Variants in KIF13A observed in about 807,000 individuals in gnomAD.
The protein encoded by KIF13A is kinesin family member 13A.
Under a neutral mutation model 212.2 loss-of-function variants are expected in KIF13A, and 79 were observed. The ratio of observed to expected loss-of-function variants is 0.37; its 90% CI spans 0.31 to 0.45. The LOEUF (loss-of-function observed/expected upper bound fraction) is 0.45, where lower values mean the gene tolerates loss of function less well. Among genes scored for constraint, KIF13A ranks in the 20% least tolerant of loss-of-function variants. KIF13A has a pLI of 1.00. For missense variants in KIF13A, 1,901 were observed against 2,209.0 expected, an observed-to-expected ratio of 0.86 and a Z score of 2.79; for synonymous variants, 789 against 808.6, an observed-to-expected ratio of 0.98 and a Z score of 0.41.
rs1771787380 is a variant in KIF13A at position 17,888,863 on chromosome 6, T to C, written c.159+9305A>G. Among the ~76,000 whole-genome samples the C allele has an allele frequency of 6.6e-6, 1 of 152,000 alleles. No individual in the cohort carries two copies. The highest frequency in any genetic ancestry group is 1.5e-5 in the Non-Finnish European group (1 of 67,986). On this transcript the variant is annotated intron_variant, in intron 3 of 38. Coordinates refer to ENST00000259711, the MANE Select transcript of KIF13A (RefSeq NM_022113.6). The surrounding 1 kb of genome is among the most constrained non-coding windows in gnomAD (Gnocchi z 4.8). ...AGTAAAAAGAGATGAAATAATTTAA[T>C]ATAAAAATAATAATATATTTAACCA...
At chr6:17,964,650 AAGAC>A (rs1429196761) in intron 2 of KIF13A, among the ~76,000 whole-genome samples, 1 of 152,190 alleles carries the variant, frequency 6.6e-6, no homozygotes, top group Non-Finnish European at 1.5e-5. Flanking sequence ...CTCGAAGAGA[AAGAC>A]AGAAGTTTAA....
chr6:17,760,944 A>C, downstream of KIF13A: 1 of 1,537,824 alleles, frequency 6.5e-7, no homozygotes, highest in Non-Finnish European at 9.0e-7. Context: ...CACAGCACCT[A>C]CTCTCAGCCC....
Position 17,951,053 on chromosome 6 carries a change from C to T in KIF13A, c.146+36001G>A. The T allele has an allele frequency of 9.6e-7, 1 of 1,042,870 alleles. No homozygotes were observed. The highest frequency in any genetic ancestry group is 1.2e-6 in the Non-Finnish European group (1 of 867,124). The allele number at this position is 1,042,870 out of a possible 1,614,324, so 64.6% of individuals were successfully genotyped here. ...CTATCACAAACCCACTTTAGTAGTA[C>T]ACCTAAGGACACCTAAGGAATTGTA... On this transcript the variant is annotated intron_variant, in intron 2 of 38. Transcript: ENST00000259711. This position sits in a 1 kb window ranked among gnomAD's most constrained non-coding sequence, Gnocchi z 4.9.
intron 23 of KIF13A, 121 bp downstream of exon 23, chr6:17,796,543 CTTTTT>C (rs112059351): frequency 1.5e-5 from 7 of 473,758 alleles, no homozygotes; most frequent in African/African-American, 1.3e-4. Flanking sequence ...CCTGGCCATT[CTTTTT>C]TTTTTTTTTT....
rs1000227923 is a variant in KIF13A, at chr6:17,968,847, G to A, written c.146+18207C>T. Among the ~76,000 whole-genome samples the A allele has an allele frequency of 6.6e-6, 1 of 152,166 alleles. No individual in the cohort carries two copies. The highest frequency in any genetic ancestry group is 1.5e-5 in the Non-Finnish European group (1 of 68,028). On this transcript the variant is annotated intron_variant, in intron 2 of 38. Transcript: ENST00000259711. This position sits in a 1 kb window ranked among gnomAD's most constrained non-coding sequence, Gnocchi z 4.7. ...TAATGCAGAAATTAGAGGTCTCAGA[G>A]GGCCCAGACTAGAAGCACTAGAACC...
intron 2 of KIF13A, among the ~76,000 whole-genome samples, chr6:17,902,041 A>G (rs1216672348): frequency 6.6e-6 from 1 of 152,232 alleles, no homozygotes; most frequent in Non-Finnish European, 1.5e-5. Context: ...AGTCAAAGCC[A>G]TGACTCTTAG....
chr6:17,906,278 A>C (rs887107165), intron 2 of KIF13A, among the ~76,000 whole-genome samples: 4 of 152,082 alleles, frequency 2.6e-5, no homozygotes, highest in Non-Finnish European at 5.9e-5. Flanking sequence ...GTATATGCTT[A>C]ATGTCATTTT....
intron 2 of KIF13A, among the ~76,000 whole-genome samples, chr6:17,930,615 G>C (rs1034862908): frequency 3.9e-5 from 6 of 152,192 alleles, no homozygotes; most frequent in South Asian, 2.1e-4. Flanking sequence ...TAGACTAGAA[G>C]AACCTGGATT....
intron 2 of KIF13A, among the ~76,000 whole-genome samples, chr6:17,924,438 C>T (rs187456185): frequency 1.5e-4 from 23 of 152,178 alleles, no homozygotes; most frequent in African/African-American, 3.1e-4. Context: ...TTTGATGTCC[C>T]TTTTTTTCTG....
intron 31 of KIF13A, among the ~76,000 whole-genome samples, chr6:17,780,316 G>A (rs1288937124): frequency 6.6e-6 from 1 of 152,214 alleles, no homozygotes; most frequent in East Asian, 1.9e-4. Flanking sequence ...AACAACACTG[G>A]AGAGGATCAG....
In KIF13A at chr6:17,971,549, G is replaced by A. The variant is rs529478497; in HGVS notation, c.146+15505C>T. Among the ~76,000 whole-genome samples, 3 of 152,102 alleles carry A rather than the reference G, an allele frequency of 2.0e-5. No individual in the cohort carries two copies. The highest frequency in any genetic ancestry group is 1.9e-4 in the East Asian group (1 of 5,160). ...TGATCCTCCCATTTCAGCCCTGCAA[G>A]TAGCTGGGACTACAAGTGAGCACTA... On this transcript the variant is annotated intron_variant, in intron 2 of 38. Coordinates refer to ENST00000259711, the MANE Select transcript of KIF13A (RefSeq NM_022113.6). The surrounding 1 kb of genome is among the most constrained non-coding windows in gnomAD (Gnocchi z 4.2).
intron 9 of KIF13A, among the ~76,000 whole-genome samples, chr6:17,842,014 TG>T (rs1562043802): frequency 6.6e-6 from 1 of 151,580 alleles, no homozygotes; most frequent in African/African-American, 2.4e-5. Context: ...TGTGTGTGTG[TG>T]TGTGTGTGTG....
At chr6:17,949,409 G>C (rs1777678666) in intron 2 of KIF13A, among the ~76,000 whole-genome samples, 1 of 152,166 alleles carries the variant, frequency 6.6e-6, no homozygotes, top group Admixed American at 6.5e-5. Context: ...GCTACTGAGT[G>C]ATTAGAGAAA....
At chr6:17,842,963 C>G (rs1054154173) in intron 9 of KIF13A, among the ~76,000 whole-genome samples, 5 of 151,734 alleles carry the variant, frequency 3.3e-5, no homozygotes, top group Non-Finnish European at 7.4e-5. Context: ...TACATATTAT[C>G]TGTATTGCAT....
intron 2 of KIF13A, among the ~76,000 whole-genome samples, chr6:17,978,121 T>G (rs2150632791): frequency 6.6e-6 from 1 of 152,342 alleles, no homozygotes; most frequent in Non-Finnish European, 1.5e-5. Context: ...ACTGGTGAAA[T>G]ATCAGGTCTT....
At chr6:17,884,765 G>A (rs761771522) in intron 3 of KIF13A, among the ~76,000 whole-genome samples, 13 of 152,216 alleles carry the variant, frequency 8.5e-5, no homozygotes, top group Middle Eastern at 3.4e-3. Context: ...CAATTAATCC[G>A]CTGTTCACAT....
At chr6:17,913,373 T>C (rs1022648798) in intron 2 of KIF13A, among the ~76,000 whole-genome samples, 14 of 152,204 alleles carry the variant, frequency 9.2e-5, no homozygotes, top group African/African-American at 3.4e-4. Context: ...TTCTTTTCAA[T>C]GAATCAACTT....
intron 2 of KIF13A, among the ~76,000 whole-genome samples, chr6:17,923,643 A>AG (rs1035465750): frequency 6.6e-6 from 1 of 152,050 alleles, no homozygotes; most frequent in Non-Finnish European, 1.5e-5. Flanking sequence ...AGAAACATAC[A>AG]TTTTCAAATG....
At chr6:17,831,308 G>A (rs1562029623) in intron 12 of KIF13A, 73 bp from the exon 13 acceptor site, 2 of 1,523,474 alleles carry the variant, frequency 1.3e-6, no homozygotes, top group Non-Finnish European at 1.8e-6. Context: ...CACGGAAAGA[G>A]TAAGTCACTG....
Sources: allele counts gnomAD v4.1 joint callset (sites outside exome capture counted in the v4.1 genomes callset), GRCh38; gene constraint gnomAD v4.1.1; non-coding constraint Gnocchi (gnomAD v3.1); transcripts MANE v1.5; gene names NCBI Gene and HGNC (gene_info 2026-07-23, HGNC 2026-07-21).